PADI2: variants seen among roughly 807,000 people sequenced by gnomAD.
PADI2 encodes the protein protein-arginine deiminase type-2.
PADI2 carries 70 observed loss-of-function variants against 81.1 expected under a neutral mutation model. That is an observed-to-expected ratio of 0.86 (90% CI 0.71 to 1.05). The LOEUF is 1.05. PADI2 is among the 50% of genes least tolerant of loss of function. The probability of loss-of-function intolerance (pLI) is 0.00; values close to 1 mark genes in which losing one functional copy is unlikely to be tolerated. For synonymous variants in PADI2, 338 were observed against 358.0 expected (o/e 0.94, Z 0.63); for missense variants, 853 against 889.9 (o/e 0.96, Z 0.53).
intron 6 of PADI2, among the ~76,000 whole-genome samples, chr1:17,091,101 C>T (rs1196670536): frequency 6.6e-6 from 1 of 151,800 alleles, no homozygotes; most frequent in Non-Finnish European, 1.5e-5. Context: ...TGTGAGGTCA[C>T]TGCTTGGAGC....
intron 1 of PADI2, among the ~76,000 whole-genome samples, chr1:17,114,419 C>T (rs1931688290): frequency 6.6e-6 from 1 of 152,182 alleles, no homozygotes. Context: ...CTGGGCTCTG[C>T]ACCCCACAGT....
chr1:17,075,371 G>A, intron 12 of PADI2: 1 of 376,596 alleles, frequency 2.7e-6, no homozygotes, highest in African/African-American at 2.1e-5. Flanking sequence ...TTGAGCTGTG[G>A]CTAGTCTGAA....
intron 6 of PADI2, among the ~76,000 whole-genome samples, chr1:17,090,274 C>A (rs995953333): frequency 2.0e-5 from 3 of 152,230 alleles, no homozygotes; most frequent in Non-Finnish European, 4.4e-5. Flanking sequence ...CACCACGATC[C>A]GGGACACCCG....
At chr1:17,091,522 C>T (rs556461699) in intron 6 of PADI2, among the ~76,000 whole-genome samples, 42 of 152,238 alleles carry the variant, frequency 2.8e-4, no homozygotes, top group African/African-American at 9.9e-4. Context: ...ACTCCCAGCC[C>T]TGCTCTGGGC....
chr1:17,106,624 G>A (rs1931383188), intron 1 of PADI2, among the ~76,000 whole-genome samples: 1 of 152,006 alleles, frequency 6.6e-6, no homozygotes, highest in Admixed American at 6.6e-5. Flanking sequence ...TGTATTTTTA[G>A]TAGAGATGGG....
chr1:17,102,994 T>C lies in PADI2; in HGVS notation c.342A>G (p.Thr114=), dbSNP rs34737582. 3.6e-3 allele frequency: 5,784 copies of C among 1,610,190 alleles called. 147 individuals carry two copies. In the African/African-American group the frequency reaches 0.056, roughly 16 times the overall value. ...GCAACCATGCCAACTCACCAATGGC[T>C]GTGAGGAAGAGCCCCGCCTGGTCGA... ...IPIDQAGLFL[T]AIEISLDVDA... is the part of the protein sequence containing the mutation. Residue 114 remains threonine (T), a synonymous_variant, in exon 3 of 16, where the codon ACA becomes ACG. Coordinates refer to ENST00000375486, the MANE Select transcript of PADI2 (RefSeq NM_007365.3).
intron 3 of PADI2, among the ~76,000 whole-genome samples, chr1:17,097,836 G>C (rs1401681191): frequency 6.6e-6 from 1 of 152,140 alleles, no homozygotes; most frequent in Non-Finnish European, 1.5e-5. Context: ...TTTCCAGCCG[G>C]TCACGTCCAC....
intron 4 of PADI2, among the ~76,000 whole-genome samples, 153 bp from the exon 5 acceptor site, chr1:17,093,837 G>A (rs754009655): frequency 6.6e-6 from 1 of 152,208 alleles, no homozygotes; most frequent in Non-Finnish European, 1.5e-5. Context: ...CAAGACTGAT[G>A]TCCACAGAGG....
At position 17,119,107 on chromosome 1, in the gene PADI2, G is replaced by A. The variant is rs1931854129; in HGVS notation, c.92+173C>T. Among the ~76,000 whole-genome samples, 1 of 152,084 alleles carries A rather than the reference G, an allele frequency of 6.6e-6. No homozygotes were observed. The highest frequency in any genetic ancestry group is 1.5e-5 in the Non-Finnish European group (1 of 68,008). Reference sequence around the variant, plus strand: ...CAGGGTTTCTGGAAGGTGGACACAAGGTTCGGGGGTTGTCAGGTTTCTGGA... The same window carrying A: ...CAGGGTTTCTGGAAGGTGGACACAAAGTTCGGGGGTTGTCAGGTTTCTGGA... On this transcript the variant is annotated intron_variant, in intron 1 of 15. Transcript: ENST00000375486. The surrounding 1 kb of genome is among the most constrained non-coding windows in gnomAD (Gnocchi z 4.8).
intron 11 of PADI2, among the ~76,000 whole-genome samples, chr1:17,077,869 C>T (rs377540858): frequency 6.6e-6 from 1 of 152,172 alleles, no homozygotes; most frequent in East Asian, 1.9e-4. Context: ...AGCGACTGCC[C>T]TGACAAGGAA....
intron 13 of PADI2, 77 bp from the exon 14 acceptor site, chr1:17,071,568 C>T: frequency 8.6e-7 from 1 of 1,163,064 alleles, no homozygotes; most frequent in Non-Finnish European, 1.3e-6. Flanking sequence ...CAAGATCCTC[C>T]AGGCCTGGGC....
intron 11 of PADI2, among the ~76,000 whole-genome samples, chr1:17,078,798 C>T (rs1301253820): frequency 3.3e-5 from 5 of 152,172 alleles, no homozygotes; most frequent in Admixed American, 3.3e-4. Context: ...CAGGCTCAAG[C>T]GATCCTCTCA....
chr1:17,107,470 G>T (rs1435636885), intron 1 of PADI2, among the ~76,000 whole-genome samples: 1 of 152,184 alleles, frequency 6.6e-6, no homozygotes, highest in Non-Finnish European at 1.5e-5. Flanking sequence ...GCACCTGGAG[G>T]TCTTGTCAAA....
rs185976330 is a variant in PADI2 at position 17,066,829 on chromosome 1, C to T, written c.*2215G>A. 2.6e-5 allele frequency: 4 copies of T among 152,144 alleles called. No homozygotes were observed. The highest frequency in any genetic ancestry group is 9.6e-5 in the African/African-American group (4 of 41,510). The allele number at this position is 152,144 out of a possible 1,614,324, so 9.4% of individuals were successfully genotyped here. Reference sequence around the variant, plus strand: ...CTCTTCCCTAAACATCTTTAGATCTCCACCACAGGCTCTTTTCCAGAAATT... The same window carrying T: ...CTCTTCCCTAAACATCTTTAGATCTTCACCACAGGCTCTTTTCCAGAAATT... On this transcript the variant is annotated 3_prime_UTR_variant, in exon 16 of 16. Transcript: ENST00000375486.
At chr1:17,076,000 C>G (rs1441158696) in intron 11 of PADI2, among the ~76,000 whole-genome samples, 177 bp from the exon 12 acceptor site, 1 of 152,066 alleles carries the variant, frequency 6.6e-6, no homozygotes, top group Non-Finnish European at 1.5e-5. Context: ...CGTTTGAGTC[C>G]CAGGGGAAAG....
intron 11 of PADI2, among the ~76,000 whole-genome samples, chr1:17,078,106 T>C (rs750465531): frequency 1.3e-5 from 2 of 152,286 alleles, no homozygotes; most frequent in Non-Finnish European, 2.9e-5. Context: ...TTTAATATTT[T>C]ATTTTATTTT....
At chr1:17,081,171 C>T (rs1262840693) in intron 10 of PADI2, among the ~76,000 whole-genome samples, 1 of 152,212 alleles carries the variant, frequency 6.6e-6, no homozygotes, top group Non-Finnish European at 1.5e-5. Context: ...TGGTTTGACT[C>T]TACTCATCAT....
At chr1:17,093,216 C>T (rs937006019) in intron 5 of PADI2, among the ~76,000 whole-genome samples, 8 of 151,828 alleles carry the variant, frequency 5.3e-5, no homozygotes, top group Non-Finnish European at 1.2e-4. Flanking sequence ...CTGCCTCAGC[C>T]TCCTGAGTAG....
intron 2 of PADI2, among the ~76,000 whole-genome samples, chr1:17,103,958 T>C (rs867443190): frequency 1.3e-5 from 2 of 152,010 alleles, no homozygotes; most frequent in Middle Eastern, 3.4e-3. Flanking sequence ...CACTCCAGCC[T>C]GGGAGTCAGA....
Sources: gnomAD v4.1 joint callset for allele counts (sites outside exome capture counted in the v4.1 genomes callset) on GRCh38, gnomAD v4.1.1 for gene constraint, Gnocchi (gnomAD v3.1) non-coding constraint, MANE v1.5 for transcripts, NCBI Gene and HGNC (gene_info 2026-07-23, HGNC 2026-07-21) for gene names.